ZNF385B: variants seen among roughly 807,000 people sequenced by gnomAD.
ZNF385B encodes the protein zinc finger protein 385B.
In ZNF385B, 23 loss-of-function variants were observed where a neutral mutation model predicts 39.2. The observed-to-expected ratio is 0.59, with a 90% CI of 0.42 to 0.83. The LOEUF is 0.83. Ranked by LOEUF, ZNF385B falls within the 40% of genes least tolerant of loss-of-function variation. The pLI is 0.00. For missense variants in ZNF385B, 552 were observed against 598.9 expected (o/e 0.92, Z 0.82); for synonymous variants, 205 against 222.6 (o/e 0.92, Z 0.70).
intron 3 of ZNF385B, among the ~76,000 whole-genome samples, chr2:179,613,876 AG>A (rs962724456): frequency 5.3e-5 from 8 of 152,330 alleles, no homozygotes; most frequent in African/African-American, 1.7e-4. Context: ...AAGGCTTGCC[AG>A]AACTCAGCTT....
At chr2:179,530,492 T>C (rs1267966573) in intron 4 of ZNF385B, among the ~76,000 whole-genome samples, 1 of 152,162 alleles carries the variant, frequency 6.6e-6, no homozygotes, top group African/African-American at 2.4e-5. Context: ...TAAAAATCAA[T>C]ACATCTCCTG....
At chr2:179,542,715 A>C (rs867216741) in intron 4 of ZNF385B, among the ~76,000 whole-genome samples, 1 of 152,198 alleles carries the variant, frequency 6.6e-6, no homozygotes, top group African/African-American at 2.4e-5. Flanking sequence ...GATAACAAAA[A>C]AAGTGACTAA....
At chr2:179,850,798 G>C (rs1320269083) in intron 1 of ZNF385B, among the ~76,000 whole-genome samples, 1 of 152,180 alleles carries the variant, frequency 6.6e-6, no homozygotes, top group African/African-American at 2.4e-5. Context: ...AGAAGTAAAA[G>C]TGGGCTAGAC....
intron 1 of ZNF385B, among the ~76,000 whole-genome samples, chr2:179,785,516 T>A (rs1396731943): frequency 2.0e-5 from 3 of 152,146 alleles, no homozygotes; most frequent in African/African-American, 7.2e-5. Flanking sequence ...AGAACATTTG[T>A]GATTCATAAG....
intron 3 of ZNF385B, among the ~76,000 whole-genome samples, chr2:179,678,526 G>A (rs376582633): frequency 9.9e-5 from 15 of 152,192 alleles, no homozygotes; most frequent in African/African-American, 3.6e-4. Flanking sequence ...ACACTGAGGT[G>A]AAACTGTGTG....
chr2:179,653,700 C>T (rs1466408023), intron 3 of ZNF385B, among the ~76,000 whole-genome samples: 1 of 152,052 alleles, frequency 6.6e-6, no homozygotes, highest in Non-Finnish European at 1.5e-5. Flanking sequence ...ATTATCAAGC[C>T]ATCTATTTCC....
chr2:179,772,190 A>C (rs1704049950), intron 1 of ZNF385B, among the ~76,000 whole-genome samples: 1 of 152,156 alleles, frequency 6.6e-6, no homozygotes, highest in Admixed American at 6.6e-5. Flanking sequence ...GATTTATTTA[A>C]ATATACATAT....
rs182156591 is a variant in ZNF385B, at chr2:179,750,612, C to T, written c.298+18891G>A. On this transcript the variant is annotated intron_variant, in intron 3 of 9. Transcript: ENST00000410066. ...GACATATTTTGACCAAGGCCTTTTC[C>T]CCTTCTAAGTCTGTCCCTTCACTAA... is the stretch of plus-strand genomic sequence containing the variant. Among the ~76,000 whole-genome samples the T allele has an allele frequency of 9.1e-4, 139 of 152,138 alleles. 1 individual carries two copies. The highest frequency in any genetic ancestry group is 1.8e-4 in the Non-Finnish European group (12 of 67,978).
At chr2:179,799,836 A>C (rs989716263) in intron 1 of ZNF385B, among the ~76,000 whole-genome samples, 2 of 152,152 alleles carry the variant, frequency 1.3e-5, no homozygotes, top group African/African-American at 4.8e-5. Context: ...TTGTTTGTTT[A>C]AAATGATGGT....
intron 1 of ZNF385B, among the ~76,000 whole-genome samples, chr2:179,805,495 C>G (rs1262323704): frequency 6.6e-6 from 1 of 152,132 alleles, no homozygotes; most frequent in Non-Finnish European, 1.5e-5. Context: ...TCTCATAATT[C>G]TAATCTGTAA....
At chr2:179,805,763 A>G (rs1002947108) in intron 1 of ZNF385B, among the ~76,000 whole-genome samples, 3 of 152,202 alleles carry the variant, frequency 2.0e-5, no homozygotes, top group Non-Finnish European at 2.9e-5. Flanking sequence ...GTTAGCTGCT[A>G]CTGCTGCTGT....
At chr2:179,755,929 T>TA (rs1702985844) in intron 3 of ZNF385B, among the ~76,000 whole-genome samples, 1 of 152,244 alleles carries the variant, frequency 6.6e-6, no homozygotes. Context: ...TTAGCCCATT[T>TA]ACATTTAAGG....
At chr2:179,798,615 G>A (rs1393344736) in intron 1 of ZNF385B, among the ~76,000 whole-genome samples, 1 of 151,910 alleles carries the variant, frequency 6.6e-6, no homozygotes, top group African/African-American at 2.4e-5. Flanking sequence ...CTAGTGTCAG[G>A]ATCACAATAT....
chr2:179,612,768 G>A (rs1689396659), intron 3 of ZNF385B, among the ~76,000 whole-genome samples: 1 of 152,088 alleles, frequency 6.6e-6, no homozygotes, highest in South Asian at 2.1e-4. Flanking sequence ...TCTAAAATCA[G>A]CCCCAGGTGG....
chr2:179,670,058 G>A (rs572579160), intron 3 of ZNF385B, among the ~76,000 whole-genome samples: 34 of 152,126 alleles, frequency 2.2e-4, no homozygotes, highest in South Asian at 6.2e-4. Flanking sequence ...TTGGGAGGCC[G>A]AGGCGGGCGG....
intron 3 of ZNF385B, among the ~76,000 whole-genome samples, chr2:179,704,273 G>A (rs1203314625): frequency 2.0e-5 from 3 of 152,116 alleles, no homozygotes; most frequent in Admixed American, 2.0e-4. Context: ...TTAAGAAAGT[G>A]CTCATATAAT....
chr2:179,549,745 C>T (rs1212011142), intron 3 of ZNF385B, among the ~76,000 whole-genome samples: 1 of 149,296 alleles, frequency 6.7e-6, no homozygotes, highest in East Asian at 1.9e-4. Context: ...ATCCTAAAAA[C>T]AGAAGAGAAA....
intron 3 of ZNF385B, among the ~76,000 whole-genome samples, chr2:179,710,855 A>G (rs139294483): frequency 0.016 from 2,407 of 152,304 alleles, 29 homozygotes; most frequent in Non-Finnish European, 0.023. Context: ...GCCTGCTCCA[A>G]GCACCTCACC....
At chr2:179,646,040 A>G (rs1405934128) in intron 3 of ZNF385B, among the ~76,000 whole-genome samples, 2 of 152,156 alleles carry the variant, frequency 1.3e-5, no homozygotes. Flanking sequence ...CAAACACTGT[A>G]ATGATCTCTA....
Sources: gnomAD v4.1 joint callset for allele counts (sites outside exome capture counted in the v4.1 genomes callset) on GRCh38, gnomAD v4.1.1 for gene constraint, MANE v1.5 for transcripts, NCBI Gene and HGNC (gene_info 2026-07-23, HGNC 2026-07-21) for gene names.